GRIA1: variants seen among roughly 807,000 people sequenced by gnomAD.
The protein encoded by GRIA1 is glutamate receptor 1.
Under a neutral mutation model 99.2 loss-of-function variants are expected in GRIA1, and 31 were observed. The ratio of observed to expected loss-of-function variants is 0.31; its 90% CI spans 0.23 to 0.42. The LOEUF (loss-of-function observed/expected upper bound fraction) is 0.42. GRIA1 is among the 10% of genes least tolerant of loss of function. GRIA1 has a pLI of 1.00. For missense variants in GRIA1, 782 were observed against 1,157.5 expected (o/e 0.68, Z 4.71); for synonymous variants, 438 against 432.4 (o/e 1.01, Z -0.16).
chr5:153,502,705 G>A (rs1214616925), intron 2 of GRIA1, among the ~76,000 whole-genome samples: 1 of 152,182 alleles, frequency 6.6e-6, no homozygotes, highest in Non-Finnish European at 1.5e-5. Flanking sequence ...GAGGAGGCAG[G>A]CAAAACTGGG....
intron 2 of GRIA1, among the ~76,000 whole-genome samples, chr5:153,561,610 TG>T (rs5872322): frequency 0.097 from 14,684 of 152,104 alleles, 782 homozygotes; most frequent in South Asian, 0.19. Flanking sequence ...CTCTAAGAAA[TG>T]GGGGAAAAAA....
chr5:153,557,465 T>C (rs895093529), intron 2 of GRIA1, among the ~76,000 whole-genome samples: 8 of 152,332 alleles, frequency 5.3e-5, no homozygotes, highest in Non-Finnish European at 8.8e-5. Flanking sequence ...TGGCTTACTG[T>C]AATTTTTTAC....
chr5:153,687,613 T>C (rs1757431309), intron 8 of GRIA1, among the ~76,000 whole-genome samples: 2 of 152,204 alleles, frequency 1.3e-5, no homozygotes, highest in Admixed American at 6.5e-5. Context: ...AGTTGCACTA[T>C]CTACATGTCA....
At chr5:153,797,833 T>A (rs1561868799) in intron 14 of GRIA1, among the ~76,000 whole-genome samples, 1 of 152,216 alleles carries the variant, frequency 6.6e-6, no homozygotes, top group Non-Finnish European at 1.5e-5. Context: ...TCTCATCCCA[T>A]GTCGCTCTTG....
rs550942412 is a variant in GRIA1 at position 153,493,824 on chromosome 5, T to C, written c.83-104T>C. 15 of 1,135,924 alleles carry C rather than the reference T, an allele frequency of 1.3e-5. No homozygotes were observed. In the South Asian group the frequency reaches 2.0e-4, roughly 15 times the overall value. 70.4% of individuals were successfully genotyped at this position (1,135,924 alleles called of 1,614,324 possible). A position where few individuals can be genotyped will look rare whatever the true frequency, so the allele number is the denominator to read the frequency against. ...CTCTACCACTCAAGGCTACAGCTAG[T>C]GAGTTTGGCATGGGGAGAAGAAAAG... On this transcript the variant is annotated intron_variant, in intron 1 of 15. Coordinates refer to ENST00000285900, the MANE Select transcript of GRIA1 (RefSeq NM_000827.4).
chr5:153,745,155 C>T (rs1554122625), intron 11 of GRIA1, among the ~76,000 whole-genome samples: 4 of 152,172 alleles, frequency 2.6e-5, no homozygotes, highest in South Asian at 2.1e-4. Flanking sequence ...ATTTTTCTCA[C>T]GTCTAGATTA....
intron 2 of GRIA1, among the ~76,000 whole-genome samples, chr5:153,580,186 T>G (rs980695138): frequency 1.3e-5 from 2 of 152,142 alleles, no homozygotes; most frequent in Non-Finnish European, 2.9e-5. Context: ...CTGAGGACCA[T>G]CTTACCAGAG....
intron 11 of GRIA1, among the ~76,000 whole-genome samples, chr5:153,713,339 A>G (rs934825885): frequency 6.6e-6 from 1 of 152,230 alleles, no homozygotes; most frequent in Non-Finnish European, 1.5e-5. Flanking sequence ...CACCAACACA[A>G]AGGGACTGGC....
At chr5:153,665,926 A>T (rs1444655698) in intron 5 of GRIA1, among the ~76,000 whole-genome samples, 1 of 152,196 alleles carries the variant, frequency 6.6e-6, no homozygotes, top group Non-Finnish European at 1.5e-5. Context: ...TGATGTAGCC[A>T]AAGTTCTTAT....
At chr5:153,732,931 T>TG (rs886514016) in intron 11 of GRIA1, among the ~76,000 whole-genome samples, 42 of 150,838 alleles carry the variant, frequency 2.8e-4, no homozygotes, top group African/African-American at 9.7e-4. Context: ...ATTTCTTTTT[T>TG]TTTTTTTTCT....
intron 13 of GRIA1, among the ~76,000 whole-genome samples, chr5:153,791,235 G>T (rs1389297808): frequency 6.8e-6 from 1 of 146,540 alleles, no homozygotes; most frequent in African/African-American, 2.6e-5. Context: ...AGGAGTTAGA[G>T]ACCATCCTGG....
chr5:153,664,202 ATACT>A (rs138705007), intron 5 of GRIA1, among the ~76,000 whole-genome samples: 7,119 of 152,286 alleles, frequency 0.047, 182 homozygotes, highest in Middle Eastern at 0.088. Flanking sequence ...TTTTAGGTAA[ATACT>A]TACTATGTGC....
At chr5:153,505,308 G>A (rs1182900135) in intron 2 of GRIA1, among the ~76,000 whole-genome samples, 1 of 151,840 alleles carries the variant, frequency 6.6e-6, no homozygotes, top group Non-Finnish European at 1.5e-5. Flanking sequence ...CGTGGTAGAT[G>A]AGATTATTAT....
chr5:153,688,801 C>A (rs918257268), intron 8 of GRIA1, among the ~76,000 whole-genome samples: 10 of 151,916 alleles, frequency 6.6e-5, no homozygotes, highest in East Asian at 1.9e-4. Flanking sequence ...CTCACTGCAA[C>A]CTCCACCTCC....
intron 3 of GRIA1, among the ~76,000 whole-genome samples, chr5:153,649,541 T>G (rs754379592): frequency 2.6e-5 from 4 of 152,186 alleles, no homozygotes; most frequent in Non-Finnish European, 5.9e-5. Context: ...CACTGCAACC[T>G]CTGCCTCCCA....
At chr5:153,635,111 T>C (rs1208218918) in intron 2 of GRIA1, among the ~76,000 whole-genome samples, 1 of 152,234 alleles carries the variant, frequency 6.6e-6, no homozygotes, top group Non-Finnish European at 1.5e-5. Flanking sequence ...CATTACAGTG[T>C]ACGTTTGCTG....
chr5:153,647,346 A>G (rs1041716383), intron 3 of GRIA1, among the ~76,000 whole-genome samples, 179 bp downstream of exon 3: 2 of 152,188 alleles, frequency 1.3e-5, no homozygotes, highest in African/African-American at 4.8e-5. Context: ...TTGGAAACGC[A>G]TTCTGAGAAT....
intron 11 of GRIA1, among the ~76,000 whole-genome samples, chr5:153,717,487 G>A (rs977141333): frequency 1.3e-5 from 2 of 151,940 alleles, no homozygotes; most frequent in African/African-American, 4.8e-5. Flanking sequence ...AGCAAGGTGG[G>A]TTGAGCCATG....
rs1431694701 is a variant in GRIA1, at chr5:153,686,320, C to T, written c.1125C>T (p.Gly375=). The T allele has an allele frequency of 3.7e-6, 6 of 1,612,688 alleles. No individual in the cohort carries two copies. The South Asian group carries it at 5.5e-5, about 15-fold the overall frequency. ...TLHVIEMKHD[G]IRKIGYWNED... is the part of the protein sequence containing the mutation. ...ACGTGATTGAAATGAAACATGACGGCATCCGAAAGGTAAGGTCCCCCTTTA... is the reference window on the plus strand; with the variant it reads ...ACGTGATTGAAATGAAACATGACGGTATCCGAAAGGTAAGGTCCCCCTTTA... The change falls in exon 8 of 16, where the codon GGC becomes GGT. Residue 375 remains glycine (G), a synonymous_variant. Transcript: ENST00000285900.
Sources: gnomAD v4.1 joint callset for allele counts (sites outside exome capture counted in the v4.1 genomes callset) on GRCh38, gnomAD v4.1.1 for gene constraint, MANE v1.5 for transcripts, NCBI Gene and HGNC (gene_info 2026-07-23, HGNC 2026-07-21) for gene names.